ITM2C: variants seen among roughly 807,000 people sequenced by gnomAD.
The protein encoded by ITM2C is BRICHOS domain containing 2C.
Under a neutral mutation model 30.0 loss-of-function variants are expected in ITM2C, and 20 were observed. The ratio of observed to expected loss-of-function variants is 0.67; its 90% CI spans 0.47 to 0.97. The LOEUF (loss-of-function observed/expected upper bound fraction) is 0.97. Among genes scored for constraint, ITM2C ranks in the 50% least tolerant of loss-of-function variants. ITM2C has a pLI of 0.00. For missense variants in ITM2C, 366 were observed against 371.9 expected (o/e 0.98, Z 0.13); for synonymous variants, 167 against 156.4 (o/e 1.07, Z -0.51).
Position 230,876,925 on chromosome 2 carries a change from G to T in ITM2C, c.519G>T (p.Val173=). 2 of 1,614,052 alleles carry T rather than the reference G, an allele frequency of 1.2e-6. No homozygotes were observed. Among genetic ancestry groups the T allele is most frequent in the Non-Finnish European group, 1.7e-6 (2 of 1,179,954 alleles). The change falls in exon 4 of 6, where the codon GTG becomes GTT. Residue 173 remains valine (V), a synonymous_variant. Transcript: ENST00000326427. ...TCATCGAACTCAACACCACCATTGT[G>T]CTGCCCCCTCGCAACTTCTGGGAGC... ...CYVIELNTTI[V]LPPRNFWELL...
At chr2:230,864,723 A>AGT (rs1184426386), upstream of ITM2C, 1 of 171,296 alleles carries the variant, frequency 5.8e-6, no homozygotes, top group African/African-American at 2.4e-5. The surrounding 1 kb of genome is among the most constrained non-coding windows in gnomAD (Gnocchi z 4.3). Context: ...TGAGTGAGTG[A>AGT]GTGAGCGAGC....
chr2:230,866,367 G>T (rs1321295001), intron 1 of ITM2C, among the ~76,000 whole-genome samples: 1 of 152,232 alleles, frequency 6.6e-6, no homozygotes, highest in Non-Finnish European at 1.5e-5. Flanking sequence ...CTTGCCTGGG[G>T]CATTAAGGGG....
At position 230,875,737 on chromosome 2, in the gene ITM2C, G is replaced by GAGCGCA. The variant is rs1697277793; in HGVS notation, c.380_385dup (p.Arg128_Ile129insLysArg). On this transcript the variant is annotated inframe_insertion, in exon 3 of 6. Transcript: ENST00000326427. ...GAAAATCTACCTCGACGAGAACTACGAGCGCATCAACGTGCCTGTGCCCCA... is the reference window on the plus strand; with the variant it reads ...GAAAATCTACCTCGACGAGAACTACGAGCGCAAGCGCATCAACGTGCCTGTGCCCCA... 1.2e-6 allele frequency: 2 copies of GAGCGCA among 1,610,680 alleles called. No individual in the cohort carries two copies. Among genetic ancestry groups the GAGCGCA allele is most frequent in the Non-Finnish European group, 1.7e-6 (2 of 1,178,214 alleles).
chr2:230,877,627 G>C lies in ITM2C; in HGVS notation c.712+77G>C. The C allele has an allele frequency of 6.7e-7, 1 of 1,497,462 alleles. No homozygotes were observed. The highest frequency in any genetic ancestry group is 9.2e-7 in the Non-Finnish European group (1 of 1,087,608). The allele number at this position is 1,497,462 out of a possible 1,614,324, so 92.8% of individuals were successfully genotyped here. A position where few individuals can be genotyped will look rare whatever the true frequency, so the allele number is the denominator to read the frequency against. On this transcript the variant is annotated intron_variant, in intron 5 of 5. Coordinates refer to ENST00000326427, the MANE Select transcript of ITM2C (RefSeq NM_030926.6). The surrounding 1 kb of genome is among the most constrained non-coding windows in gnomAD (Gnocchi z 4.8). The stretch of plus-strand genomic sequence containing the variant: ...AGTTATCTTCACGCCTAGCCCAGCT[G>C]TCAGAGAGCTCAGATAGCAGCAGCA...
At chr2:230,872,228 C>T (rs1216679153) in intron 1 of ITM2C, among the ~76,000 whole-genome samples, 2 of 152,222 alleles carry the variant, frequency 1.3e-5, no homozygotes, top group Non-Finnish European at 2.9e-5. Flanking sequence ...GGACTGACCT[C>T]TAACCTCACT....
chr2:230,876,513 G>A (rs898169024), intron 3 of ITM2C, among the ~76,000 whole-genome samples: 3 of 151,852 alleles, frequency 2.0e-5, no homozygotes, highest in African/African-American at 4.8e-5. Flanking sequence ...ACAGAGTCTC[G>A]CTCTGTCGCC....
intron 1 of ITM2C, among the ~76,000 whole-genome samples, chr2:230,866,520 A>G (rs10199445): frequency 0.096 from 14,528 of 152,122 alleles, 1,032 homozygotes; most frequent in African/African-American, 0.2. Context: ...CACTGCAGCA[A>G]CCAGTGGCTC....
Position 230,865,130 on chromosome 2 carries a change from G to C in ITM2C, c.105G>C (p.Leu35=). 6.7e-7 allele frequency: 1 copy of C among 1,491,464 alleles called. No individual in the cohort carries two copies. 92.4% of individuals were successfully genotyped at this position (1,491,464 alleles called of 1,614,324 possible). A position where few individuals can be genotyped will look rare whatever the true frequency, so the allele number is the denominator to read the frequency against. The part of the protein sequence containing the change: ...APAPASATEI[L]LTPAREEQPP... ...CGCCGGCCTCGGCCACCGAGATCCT[G>C]CTGACGCCGGCTAGGGTGAGAGGGT... is the stretch of plus-strand genomic sequence containing the variant. Residue 35 remains leucine (L), a synonymous_variant, in exon 1 of 6, where the codon CTG becomes CTC. Coordinates refer to ENST00000326427, the MANE Select transcript of ITM2C (RefSeq NM_030926.6). This position sits in a 1 kb window ranked among gnomAD's most constrained non-coding sequence, Gnocchi z 6.8.
At position 230,877,284 on chromosome 2, in the gene ITM2C, A is replaced by C; in HGVS notation, c.562-116A>C. Reference sequence around the variant, plus strand: ...GCACAGGCAGGAAGTGCCTGAGGACATCAGAAGGGCCAGCCCAGGGGCCTC... The same window carrying C: ...GCACAGGCAGGAAGTGCCTGAGGACCTCAGAAGGGCCAGCCCAGGGGCCTC... On this transcript the variant is annotated intron_variant, in intron 4 of 5. Transcript: ENST00000326427. The surrounding 1 kb of genome is among the most constrained non-coding windows in gnomAD (Gnocchi z 4.8). 1.9e-6 allele frequency: 2 copies of C among 1,053,576 alleles called. No homozygotes were observed. The highest frequency in any genetic ancestry group is 1.6e-5 in the African/African-American group (1 of 63,072). The allele number at this position is 1,053,576 out of a possible 1,614,324, so 65.3% of individuals were successfully genotyped here.
At chr2:230,871,944 C>T (rs1697176383) in intron 1 of ITM2C, among the ~76,000 whole-genome samples, 1 of 152,250 alleles carries the variant, frequency 6.6e-6, no homozygotes, top group South Asian at 2.1e-4. Flanking sequence ...GGGCAGGACC[C>T]CTGTGCTGTG....
At chr2:230,864,793 C>T, upstream of ITM2C, 2 of 266,394 alleles carry the variant, frequency 7.5e-6, no homozygotes, top group East Asian at 8.5e-5. The surrounding 1 kb of genome is among the most constrained non-coding windows in gnomAD (Gnocchi z 4.3). Context: ...AGGTGCGGAG[C>T]GGCGCGCCCG....
chr2:230,871,504 G>A (rs2125018594), intron 1 of ITM2C, among the ~76,000 whole-genome samples: 1 of 152,358 alleles, frequency 6.6e-6, no homozygotes, highest in Non-Finnish European at 1.5e-5. Context: ...TGTGCACTGT[G>A]GCCATGCCCG....
chr2:230,878,156 C>T lies in ITM2C; in HGVS notation c.*57C>T. On this transcript the variant is annotated 3_prime_UTR_variant, in exon 6 of 6. Transcript: ENST00000326427. This position sits in a 1 kb window ranked among gnomAD's most constrained non-coding sequence, Gnocchi z 4.5. Reference sequence around the variant, plus strand: ...TCCTCTTTTCTTCTTTCCGGCTGCTCTCTGGCCCTCCTCCTTCCCCCTGCT... The same window carrying T: ...TCCTCTTTTCTTCTTTCCGGCTGCTTTCTGGCCCTCCTCCTTCCCCCTGCT... 1 of 1,276,404 alleles carries T rather than the reference C, an allele frequency of 7.8e-7. No individual in the cohort carries two copies. Among genetic ancestry groups the T allele is most frequent in the South Asian group, 1.4e-5 (1 of 70,036 alleles). 79.1% of individuals were successfully genotyped at this position (1,276,404 alleles called of 1,614,324 possible). A position where few individuals can be genotyped will look rare whatever the true frequency, so the allele number is the denominator to read the frequency against.
intron 1 of ITM2C, 124 bp from the exon 2 acceptor site, chr2:230,873,293 C>T: frequency 1.0e-6 from 1 of 968,250 alleles, no homozygotes; most frequent in Non-Finnish European, 1.4e-6. Context: ...GGTGTCATCT[C>T]CTTCCCTCCC....
chr2:230,868,730 G>T (rs1697092933), intron 1 of ITM2C, among the ~76,000 whole-genome samples: 1 of 152,220 alleles, frequency 6.6e-6, no homozygotes, highest in South Asian at 2.1e-4. Flanking sequence ...TCCTGGAGCG[G>T]TTGGGGGAGG....
At position 230,877,541 on chromosome 2, in the gene ITM2C, A is replaced by T. The variant is rs748984665; in HGVS notation, c.703A>T (p.Thr235Ser). Residue 235 changes from threonine to serine, a missense_variant, in exon 5 of 6, where the codon ACG (threonine) becomes TCG (serine). Coordinates refer to ENST00000326427, the MANE Select transcript of ITM2C (RefSeq NM_030926.6). This position sits in a 1 kb window ranked among gnomAD's most constrained non-coding sequence, Gnocchi z 4.8. ...CACCTACCGGCTCCGGCGCCGGGCA[A>T]CGCGGAGGCGTGAGTGGCTGGCTTC... ...KDTYRLRRRA[T>S]RRRINKRGAK... 6 of 1,613,482 alleles carry T rather than the reference A, an allele frequency of 3.7e-6. No individual in the cohort carries two copies. The highest frequency in any genetic ancestry group is 3.3e-5 in the South Asian group (3 of 91,076).
chr2:230,874,133 G>A (rs1425246338), intron 2 of ITM2C, among the ~76,000 whole-genome samples: 1 of 152,170 alleles, frequency 6.6e-6, no homozygotes, highest in African/African-American at 2.4e-5. Context: ...AATGAAAGTA[G>A]GTAAATTAAA....
intron 1 of ITM2C, among the ~76,000 whole-genome samples, chr2:230,870,195 G>A (rs1054940152): frequency 2.6e-5 from 4 of 152,242 alleles, no homozygotes; most frequent in Non-Finnish European, 5.9e-5. Context: ...GGGCCAAAGG[G>A]ACAGTGAGGG....
In ITM2C at chr2:230,875,601, GTC is replaced by G. The variant is rs1697271684; in HGVS notation, c.262-14_262-13del. 6.3e-7 allele frequency: 1 copy of G among 1,579,836 alleles called. No homozygotes were observed. Among genetic ancestry groups the G allele is most frequent in the Non-Finnish European group, 8.6e-7 (1 of 1,162,654 alleles). ...GACCAGCCTCTCTGACTGTCTGTCT[GTC>G]TCTCCGCCTTGCTCAGCTGGCCCGA... On this transcript the variant is annotated splice_polypyrimidine_tract_variant and intron_variant, in intron 2 of 5. Coordinates refer to ENST00000326427, the MANE Select transcript of ITM2C (RefSeq NM_030926.6).
Sources: allele counts gnomAD v4.1 joint callset (sites outside exome capture counted in the v4.1 genomes callset), GRCh38; gene constraint gnomAD v4.1.1; non-coding constraint Gnocchi (gnomAD v3.1); transcripts MANE v1.5; gene names NCBI Gene and HGNC (gene_info 2026-07-23, HGNC 2026-07-21).